TAB1: variants seen among roughly 807,000 people sequenced by gnomAD.
The protein encoded by TAB1 is TGF-beta-activated kinase 1 and MAP3K7-binding protein 1.
Under a neutral mutation model 54.5 loss-of-function variants are expected in TAB1, and 30 were observed. The observed-to-expected ratio is 0.55, with a 90% CI of 0.41 to 0.75. The LOEUF (loss-of-function observed/expected upper bound fraction) is 0.75, where lower values mean the gene tolerates loss of function less well. TAB1 is among the 30% of genes least tolerant of loss of function. TAB1 has a pLI of 0.00. For missense variants in TAB1, 609 were observed against 683.2 expected, an observed-to-expected ratio of 0.89 and a Z score of 1.21; for synonymous variants, 289 against 286.9, an observed-to-expected ratio of 1.01 and a Z score of -0.07.
intron 9 of TAB1, among the ~76,000 whole-genome samples, chr22:39,427,445 T>C (rs908745103): frequency 1.3e-5 from 2 of 152,190 alleles, no homozygotes; most frequent in African/African-American, 2.4e-5. Context: ...GTTTTGCTTT[T>C]TACCTATGTC....
Position 39,415,192 on chromosome 22 carries a change from C to T in TAB1, c.170+50C>T, listed in dbSNP as rs755440354. ...TGGGCCCGGGGAGTTGGTTGGTTTG[C>T]AAGCAAGGAAAGACACCGACCTTGC... On this transcript the variant is annotated intron_variant, in intron 2 of 10. Coordinates refer to ENST00000216160, the MANE Select transcript of TAB1 (RefSeq NM_006116.3). The surrounding 1 kb of genome is among the most constrained non-coding windows in gnomAD (Gnocchi z 4.9). 6.5e-7 allele frequency: 1 copy of T among 1,531,574 alleles called. No individual in the cohort carries two copies. The allele number at this position is 1,531,574 out of a possible 1,614,324, so 94.9% of individuals were successfully genotyped here. A position where few individuals can be genotyped will look rare whatever the true frequency, so the allele number is the denominator to read the frequency against.
At chr22:39,435,369 G>A (rs909166877), downstream of TAB1, among the ~76,000 whole-genome samples, 1 of 152,134 alleles carries the variant, frequency 6.6e-6, no homozygotes, top group Admixed American at 6.5e-5. Context: ...CGGCTGCCGG[G>A]CCCAGGTGAT....
chr22:39,422,964 C>G (rs1359698393), intron 8 of TAB1, among the ~76,000 whole-genome samples: 1 of 150,550 alleles, frequency 6.6e-6, no homozygotes, highest in Non-Finnish European at 1.5e-5. Flanking sequence ...GGAAGATAAC[C>G]TTTTCTGCTT....
rs34258099 is a variant in TAB1 at position 39,430,522 on chromosome 22, G to C, written c.*300G>C. 3.9e-6 allele frequency: 5 copies of C among 1,281,972 alleles called. No individual in the cohort carries two copies. Among genetic ancestry groups the C allele is most frequent in the Non-Finnish European group, 5.0e-6 (5 of 1,003,164 alleles). The allele number at this position is 1,281,972 out of a possible 1,614,324, so 79.4% of individuals were successfully genotyped here. A position where few individuals can be genotyped will look rare whatever the true frequency, so the allele number is the denominator to read the frequency against. On this transcript the variant is annotated 3_prime_UTR_variant, in exon 11 of 11. Coordinates refer to ENST00000216160, the MANE Select transcript of TAB1 (RefSeq NM_006116.3). ...AGAAACCGCAGTGGGCCTGCAAGCC[G>C]CCCGAGCCTCCCCAGCAGCCTCCTA...
rs762665225 is a variant in TAB1, at chr22:39,424,438, CTTTTTTT to C, written c.922-2247_922-2241del. On this transcript the variant is annotated intron_variant, in intron 8 of 10. Transcript: ENST00000216160. ...TCCCCTGTTCCCTGTGTTCTGATTT[CTTTTTTT>C]TTTTTTTTTTTTTTTTTGAGATGGA... Among the ~76,000 whole-genome samples, 442 of 89,458 alleles carry C rather than the reference CTTTTTTT, an allele frequency of 4.9e-3. 2 individuals carry two copies. The highest frequency in any genetic ancestry group is 6.3e-3 in the Non-Finnish European group (297 of 47,242). 58.7% of individuals were successfully genotyped at this position (89,458 alleles called of 152,430 possible). A position where few individuals can be genotyped will look rare whatever the true frequency, so the allele number is the denominator to read the frequency against.
chr22:39,400,066 G>A (rs866139816), intron 1 of TAB1, among the ~76,000 whole-genome samples: 2 of 152,174 alleles, frequency 1.3e-5, no homozygotes, highest in Admixed American at 6.5e-5. Flanking sequence ...GGCTGCTGCT[G>A]CCGGGCGTCG....
At chr22:39,433,990 T>C (rs929497811), downstream of TAB1, among the ~76,000 whole-genome samples, 6 of 152,058 alleles carry the variant, frequency 3.9e-5, no homozygotes, top group African/African-American at 1.4e-4. Flanking sequence ...CTTTCTCTCT[T>C]ATTCCACTAG....
Position 39,415,725 on chromosome 22 carries a change from C to G in TAB1, c.324+72C>G, listed in dbSNP as rs1926804719. On this transcript the variant is annotated intron_variant, in intron 3 of 10. Transcript: ENST00000216160. The surrounding 1 kb of genome is among the most constrained non-coding windows in gnomAD (Gnocchi z 4.9). ...ACCCCAAGGCTTGGGCCCTGCACCT[C>G]TAGCATGTTGCCAGGGTTGGTGTGA... 6.5e-7 allele frequency: 1 copy of G among 1,540,536 alleles called. No individual in the cohort carries two copies. The highest frequency in any genetic ancestry group is 8.8e-7 in the Non-Finnish European group (1 of 1,142,448).
At chr22:39,408,931 C>T (rs534197347) in intron 1 of TAB1, among the ~76,000 whole-genome samples, 102 of 152,218 alleles carry the variant, frequency 6.7e-4, no homozygotes, top group Non-Finnish European at 6.0e-4. Flanking sequence ...TGTGTCTGTC[C>T]CTTATGGGAA....
intron 1 of TAB1, among the ~76,000 whole-genome samples, chr22:39,414,535 G>A (rs775080825): frequency 1.3e-5 from 2 of 151,882 alleles, no homozygotes; most frequent in Admixed American, 6.5e-5. Context: ...CATGGGGAGC[G>A]GCCTGCACTG....
At chr22:39,406,789 C>G (rs1424247365) in intron 1 of TAB1, among the ~76,000 whole-genome samples, 2 of 152,098 alleles carry the variant, frequency 1.3e-5, no homozygotes. Flanking sequence ...CCCACCACCA[C>G]GCCCACCTAA....
chr22:39,403,127 A>G lies in TAB1; in HGVS notation c.33+3292A>G, dbSNP rs1377388099. On this transcript the variant is annotated intron_variant, in intron 1 of 10. Coordinates refer to ENST00000216160, the MANE Select transcript of TAB1 (RefSeq NM_006116.3). Reference sequence around the variant, plus strand: ...TTCATTCCCTTAAATGTCCCTGAGCACTCACTATGTGCTAGGCACCCTGCA... The same window carrying G: ...TTCATTCCCTTAAATGTCCCTGAGCGCTCACTATGTGCTAGGCACCCTGCA... Among the ~76,000 whole-genome samples, 7 of 152,206 alleles carry G rather than the reference A, an allele frequency of 4.6e-5. No homozygotes were observed. The South Asian group carries it at 1.4e-3, about 31-fold the overall frequency.
rs1926514111 is a variant in TAB1 at position 39,409,447 on chromosome 22, C to T, written c.34-5559C>T. ...TAACTCATTCCCATGGCCCAGAGGC[C>T]TTGCACTGCCCTCCCCCCCAGGCAC... On this transcript the variant is annotated intron_variant, in intron 1 of 10. Transcript: ENST00000216160. Among the ~76,000 whole-genome samples the T allele has an allele frequency of 2.6e-5, 4 of 152,220 alleles. No individual in the cohort carries two copies. The South Asian group carries it at 8.3e-4, about 31-fold the overall frequency.
downstream of TAB1, chr22:39,433,630 TTC>T (rs1927671219): frequency 3.0e-6 from 3 of 985,330 alleles, no homozygotes; most frequent in African/African-American, 3.5e-5. Flanking sequence ...GGTCGTCTCA[TTC>T]TCTCATGAGC....
At chr22:39,426,947 G>A (rs759540453) in intron 9 of TAB1, 22 bp downstream of exon 9, 1 of 1,600,288 alleles carries the variant, frequency 6.2e-7, no homozygotes, top group South Asian at 1.1e-5. Flanking sequence ...GTGCAGACAG[G>A]CAGTGCCTGG....
At chr22:39,406,552 G>T (rs1926374283) in intron 1 of TAB1, among the ~76,000 whole-genome samples, 1 of 152,040 alleles carries the variant, frequency 6.6e-6, no homozygotes, top group African/African-American at 2.4e-5. Context: ...AGACAGAAAG[G>T]GACAGGCTTT....
chr22:39,416,063 C>T (rs1926820639), intron 3 of TAB1, among the ~76,000 whole-genome samples: 4 of 152,156 alleles, frequency 2.6e-5, no homozygotes, highest in Admixed American at 6.5e-5. Flanking sequence ...TCTGAGGGGC[C>T]GCCGCCCTCA....
chr22:39,430,653 CAG>C lies in TAB1; in HGVS notation c.*432_*433del. 1 of 1,076,050 alleles carries C rather than the reference CAG, an allele frequency of 9.3e-7. No individual in the cohort carries two copies. Among genetic ancestry groups the C allele is most frequent in the South Asian group, 3.0e-5 (1 of 33,452 alleles). 66.7% of individuals were successfully genotyped at this position (1,076,050 alleles called of 1,614,324 possible). ...CACCATCACCTCCCTCACCTCGGGACAGTAGCCCTCCACTTCTCCAGCCTCTC... is the reference window on the plus strand; with the variant it reads ...CACCATCACCTCCCTCACCTCGGGACTAGCCCTCCACTTCTCCAGCCTCTC... On this transcript the variant is annotated 3_prime_UTR_variant, in exon 11 of 11. Coordinates refer to ENST00000216160, the MANE Select transcript of TAB1 (RefSeq NM_006116.3).
At chr22:39,412,201 G>A (rs1022550794) in intron 1 of TAB1, among the ~76,000 whole-genome samples, 4 of 152,064 alleles carry the variant, frequency 2.6e-5, no homozygotes, top group Non-Finnish European at 5.9e-5. Flanking sequence ...CACCACGCCC[G>A]GCTGATTTTT....
Sources: gnomAD v4.1 joint callset for allele counts (sites outside exome capture counted in the v4.1 genomes callset) on GRCh38, gnomAD v4.1.1 for gene constraint, Gnocchi (gnomAD v3.1) non-coding constraint, MANE v1.5 for transcripts, NCBI Gene and HGNC (gene_info 2026-07-23, HGNC 2026-07-21) for gene names.